The following MISP variants were observed in gnomAD, a reference collection of about 807,000 sequenced individuals.
MISP encodes the protein mitotic interactor and substrate of PLK1.
MISP carries 51 observed loss-of-function variants against 49.3 expected under a neutral mutation model. The ratio of observed to expected loss-of-function variants is 1.03; its 90% CI spans 0.83 to 1.31. The LOEUF is 1.31. Among genes scored for constraint, MISP ranks in the 50% most tolerant of loss-of-function variants. The pLI is 0.00. For missense variants in MISP, 1,084 were observed against 935.1 expected, an observed-to-expected ratio of 1.16 and a Z score of -2.08; for synonymous variants, 444 against 392.6, an observed-to-expected ratio of 1.13 and a Z score of -1.55.
rs372490162 is a variant in MISP, at chr19:761,615, T to A, written c.1912-10T>A. 1 of 1,614,048 alleles carries A rather than the reference T, an allele frequency of 6.2e-7. No homozygotes were observed. The highest frequency in any genetic ancestry group is 1.7e-5 in the Admixed American group (1 of 60,010). On this transcript the variant is annotated splice_polypyrimidine_tract_variant and intron_variant, in intron 3 of 4. Coordinates refer to ENST00000215582, the MANE Select transcript of MISP (RefSeq NM_173481.4). ...AAAGGCCTGGGCTGACTTGTGTTCC[T>A]TTCCTGTAGTACGCTGGCATCAACC...
Position 763,580 on chromosome 19 carries a change from A to G in MISP, c.2030A>G (p.Glu677Gly). 6.2e-7 allele frequency: 1 copy of G among 1,613,464 alleles called. No individual in the cohort carries two copies. The highest frequency in any genetic ancestry group is 8.5e-7 in the Non-Finnish European group (1 of 1,179,660). ...GAATCCCGCATCTACGCCAGTGAGG[A>G]GGATGACTGAGCCTCGGGATGGGGC... is the stretch of plus-strand genomic sequence containing the variant. ...RWESRIYASE[E>G]DD Residue 677 changes from glutamate (E) to glycine (G), a missense_variant, in exon 5 of 5, where the codon GAG becomes GGG. Transcript: ENST00000215582.
At position 757,495 on chromosome 19, in the gene MISP, G is replaced by A. The variant is rs1481782603; in HGVS notation, c.549G>A (p.Glu183=). The A allele has an allele frequency of 2.5e-6, 4 of 1,602,334 alleles. No homozygotes were observed. Among genetic ancestry groups the A allele is most frequent in the Non-Finnish European group, 2.6e-6 (3 of 1,175,170 alleles). ...CACCTCGGTCCACGCCCCTGGAGGA[G>A]AACGTGGTTGACAGGGAGCAGATTG... ...PGPPRSTPLE[E]NVVDREQIDF... The change falls in exon 2 of 5, where the codon GAG becomes GAA. Residue 183 remains glutamate, a synonymous_variant. Transcript: ENST00000215582.
Position 757,662 on chromosome 19 carries a change from T to G in MISP, c.716T>G (p.Leu239Arg), listed in dbSNP as rs983236049. 6.2e-7 allele frequency: 1 copy of G among 1,613,382 alleles called. No individual in the cohort carries two copies. The highest frequency in any genetic ancestry group is 1.3e-5 in the African/African-American group (1 of 74,926). Reference sequence around the variant, plus strand: ...CCCAAGGCCTTCAACAAGCCCCACCTGGCCAACGGGCACGTGGTTCCCATC... The same window carrying G: ...CCCAAGGCCTTCAACAAGCCCCACCGGGCCAACGGGCACGTGGTTCCCATC... ...QAPKAFNKPHLANGHVVPIKP... is the reference protein window; with the variant it reads ...QAPKAFNKPHRANGHVVPIKP... Residue 239 changes from leucine (L) to arginine (R), a missense_variant, in exon 2 of 5, where the codon CTG (leucine) becomes CGG (arginine). Transcript: ENST00000215582.
chr19:753,386 T>C (rs1568240208), intron 1 of MISP, among the ~76,000 whole-genome samples: 1 of 151,252 alleles, frequency 6.6e-6, no homozygotes, highest in African/African-American at 2.4e-5. Flanking sequence ...TTTTTCTTTT[T>C]TTCTTTTTTT....
At position 763,603 on chromosome 19, in the gene MISP, G is replaced by A; in HGVS notation, c.*13G>A. The A allele has an allele frequency of 6.2e-7, 1 of 1,603,376 alleles. No homozygotes were observed. The highest frequency in any genetic ancestry group is 8.5e-7 in the Non-Finnish European group (1 of 1,171,768). On this transcript the variant is annotated 3_prime_UTR_variant, in exon 5 of 5. Coordinates refer to ENST00000215582, the MANE Select transcript of MISP (RefSeq NM_173481.4). ...GGAGGATGACTGAGCCTCGGGATGG[G>A]GCGCCCACCCCCTGCCCTGCCCTGA...
rs143749293 is a variant in MISP, at chr19:753,672, C to T, written c.-58+2501C>T. Among the ~76,000 whole-genome samples the T allele has an allele frequency of 2.7e-3, 414 of 152,022 alleles. 2 individuals carry two copies. Among genetic ancestry groups the T allele is most frequent in the Admixed American group, 4.8e-3 (74 of 15,278 alleles). The stretch of plus-strand genomic sequence containing the variant: ...ACAGGTGTGAGCCACTGTGCCTGGC[C>T]GACCCTGTCTGTTTAAAAACAAAAA... On this transcript the variant is annotated intron_variant, in intron 1 of 4. Transcript: ENST00000215582.
In MISP at chr19:758,745, G is replaced by A. The variant is rs1461152236; in HGVS notation, c.1780+19G>A. On this transcript the variant is annotated intron_variant, in intron 2 of 4. Transcript: ENST00000215582. The stretch of plus-strand genomic sequence containing the variant: ...GCATCCGGTGAGAAGGGGCTCCAGG[G>A]AGTGGCTGCTTGGCTCAGGGTCTCA... 6.3e-7 allele frequency: 1 copy of A among 1,597,890 alleles called. No homozygotes were observed. The highest frequency in any genetic ancestry group is 1.1e-5 in the South Asian group (1 of 88,794).
At position 751,872 on chromosome 19, in the gene MISP, C is replaced by T. The variant is rs560279696; in HGVS notation, c.-58+701C>T. ...GAACGGGGCCCTCCCTTCTGCATGGCCTCCTTGTCTGAGTCTCGGCCCCAC... is the reference window on the plus strand; with the variant it reads ...GAACGGGGCCCTCCCTTCTGCATGGTCTCCTTGTCTGAGTCTCGGCCCCAC... On this transcript the variant is annotated intron_variant, in intron 1 of 4. Transcript: ENST00000215582. 4.9e-4 allele frequency among the ~76,000 whole-genome samples: 75 copies of T among 152,320 alleles called. No individual in the cohort carries two copies. In the South Asian group the frequency reaches 0.015, roughly 30 times the overall value.
At chr19:756,843 C>G in intron 1 of MISP, 47 bp from the exon 2 acceptor site, 1 of 973,874 alleles carries the variant, frequency 1.0e-6, no homozygotes, top group Non-Finnish European at 1.5e-6. Context: ...TGTTCCTCTC[C>G]CTAGGTGCTC....
At chr19:760,796 T>C (rs2033661328) in intron 3 of MISP, among the ~76,000 whole-genome samples, 1 of 151,932 alleles carries the variant, frequency 6.6e-6, no homozygotes, top group Admixed American at 6.6e-5. Context: ...GATGTGTCTG[T>C]CACACGCTGG....
intron 3 of MISP, 80 bp from the exon 4 acceptor site, chr19:761,544 AG>A: frequency 6.6e-7 from 1 of 1,505,946 alleles, no homozygotes; most frequent in Non-Finnish European, 9.2e-7. Flanking sequence ...GGTGACAGAG[AG>A]GGCTGTGTGG....
chr19:757,893 C>T lies in MISP; in HGVS notation c.947C>T (p.Ala316Val), dbSNP rs758494278. Residue 316 changes from alanine to valine, a missense_variant, in exon 2 of 5, where the codon GCA (alanine) becomes GTA (valine). Ala to Val is a moderately conservative substitution (Grantham distance 64, BLOSUM62 0). Transcript: ENST00000215582. Reference protein sequence around the residue: ...DLREQRGLRQATDHQELVEIP... With the variant: ...DLREQRGLRQVTDHQELVEIP... ...CGAGAGCAGAGGGGGCTTCGGCAGG[C>T]AACCGACCACCAGGAGCTGGTGGAA... 3.1e-5 allele frequency: 50 copies of T among 1,605,184 alleles called. No homozygotes were observed. The highest frequency in any genetic ancestry group is 4.2e-5 in the Non-Finnish European group (49 of 1,179,710).
Position 757,563 on chromosome 19 carries a change from C to T in MISP, c.617C>T (p.Ala206Val), listed in dbSNP as rs756738154. 3.3e-5 allele frequency: 53 copies of T among 1,612,796 alleles called. No homozygotes were observed. The highest frequency in any genetic ancestry group is 3.3e-4 in the Middle Eastern group (2 of 6,060). Residue 206 changes from alanine to valine, a missense_variant, in exon 2 of 5, where the codon GCG becomes GTG. Ala to Val is a moderately conservative substitution (Grantham distance 64, BLOSUM62 0). Coordinates refer to ENST00000215582, the MANE Select transcript of MISP (RefSeq NM_173481.4). ...ARQQFLSLEQANKGAPHSSPA... is the reference protein window; with the variant it reads ...ARQQFLSLEQVNKGAPHSSPA... Reference sequence around the variant, plus strand: ...CAGCAGTTCCTGAGTCTGGAGCAGGCGAACAAGGGGGCCCCTCATAGCTCC... The same window carrying T: ...CAGCAGTTCCTGAGTCTGGAGCAGGTGAACAAGGGGGCCCCTCATAGCTCC...
chr19:752,362 A>G (rs1371328695), intron 1 of MISP, among the ~76,000 whole-genome samples: 1 of 152,046 alleles, frequency 6.6e-6, no homozygotes. Flanking sequence ...CATCTCTACT[A>G]AAAATACAAA....
Position 758,060 on chromosome 19 carries a change from G to C in MISP, c.1114G>C (p.Val372Leu), listed in dbSNP as rs763322011. The change falls in exon 2 of 5, where the codon GTG becomes CTG. Residue 372 changes from valine to leucine, a missense_variant. By Grantham distance (32) the Val-to-Leu change is conservative. Coordinates refer to ENST00000215582, the MANE Select transcript of MISP (RefSeq NM_173481.4). The part of the protein sequence containing the change: ...EEDHRREGLH[V>L]GRASTPDWVS... Reference sequence around the variant, plus strand: ...AGACCACCGGCGGGAGGGCCTGCACGTGGGCCGGGCGTCCACACCCGACTG... The same window carrying C: ...AGACCACCGGCGGGAGGGCCTGCACCTGGGCCGGGCGTCCACACCCGACTG... 7 of 1,567,338 alleles carry C rather than the reference G, an allele frequency of 4.5e-6. No individual in the cohort carries two copies. The Admixed American group carries it at 8.9e-5, about 20-fold the overall frequency.
chr19:757,321 C>T lies in MISP; in HGVS notation c.375C>T (p.Arg125=), dbSNP rs35869813. ...DGEDKEMKTY[R]LDAGDADPRR... ...AGGACAAGGAGATGAAGACCTACCG[C>T]CTGGATGCTGGGGACGCTGACCCCA... is the stretch of plus-strand genomic sequence containing the variant. Residue 125 remains arginine, a synonymous_variant, in exon 2 of 5, where the codon CGC becomes CGT. Transcript: ENST00000215582. 8.3e-3 allele frequency: 13,407 copies of T among 1,613,988 alleles called. 74 individuals carry two copies. The highest frequency in any genetic ancestry group is 0.01 in the Non-Finnish European group (12,153 of 1,179,946).
chr19:761,978 C>T (rs148733966), intron 4 of MISP, among the ~76,000 whole-genome samples: 9,351 of 152,042 alleles, frequency 0.062, 491 homozygotes, highest in South Asian at 0.22. Context: ...GACAGAGTCT[C>T]GCTCTGTCGC....
chr19:757,101 C>T lies in MISP; in HGVS notation c.155C>T (p.Pro52Leu). Residue 52 changes from proline to leucine, a missense_variant, in exon 2 of 5, where the codon CCC (proline) becomes CTC (leucine). Coordinates refer to ENST00000215582, the MANE Select transcript of MISP (RefSeq NM_173481.4). ...GWGQDEPQTW[P>L]TDHRAQQGVQ... ...GGCCAGGATGAGCCGCAGACATGGC[C>T]CACTGACCACAGGGCCCAGCAGGGC... is the stretch of plus-strand genomic sequence containing the variant. 1.2e-6 allele frequency: 2 copies of T among 1,613,108 alleles called. No individual in the cohort carries two copies. Among genetic ancestry groups the T allele is most frequent in the Non-Finnish European group, 1.7e-6 (2 of 1,179,834 alleles).
At chr19:761,982 C>G (rs1443173873) in intron 4 of MISP, among the ~76,000 whole-genome samples, 1 of 152,118 alleles carries the variant, frequency 6.6e-6, no homozygotes, top group Non-Finnish European at 1.5e-5. Context: ...GAGTCTCGCT[C>G]TGTCGCCCAG....
Sources: allele counts gnomAD v4.1 joint callset (sites outside exome capture counted in the v4.1 genomes callset), GRCh38; gene constraint gnomAD v4.1.1; transcripts MANE v1.5; gene names NCBI Gene and HGNC (gene_info 2026-07-23, HGNC 2026-07-21).